Variants in KCNIP3 observed in about 807,000 individuals in gnomAD.
KCNIP3 encodes the protein potassium voltage-gated channel interacting protein 3, also known as calsenilin.
KCNIP3 carries 28 observed loss-of-function variants against 35.0 expected under a neutral mutation model. The ratio of observed to expected loss-of-function variants is 0.80; its 90% CI spans 0.59 to 1.10. The LOEUF (loss-of-function observed/expected upper bound fraction) is 1.10, where lower values mean the gene tolerates loss of function less well. KCNIP3 is among the 50% of genes least tolerant of loss of function. The probability of loss-of-function intolerance (pLI) is 0.00; values close to 1 mark genes in which losing one functional copy is unlikely to be tolerated. For missense variants in KCNIP3, 295 were observed against 338.4 expected (o/e 0.87, Z 1.01); for synonymous variants, 134 against 133.8 (o/e 1.00, Z -0.01).
intron 5 of KCNIP3, among the ~76,000 whole-genome samples, chr2:95,380,682 G>A (rs1573523821): frequency 1.3e-5 from 2 of 152,162 alleles, no homozygotes; most frequent in Admixed American, 6.5e-5. Flanking sequence ...TGCCAAAGGC[G>A]ATGGCCACAC....
intron 2 of KCNIP3, among the ~76,000 whole-genome samples, chr2:95,363,263 C>G (rs1400341351): frequency 6.6e-6 from 1 of 152,158 alleles, no homozygotes; most frequent in East Asian, 1.9e-4. Context: ...ACATTGGGGT[C>G]TCTAATGCAC....
intron 1 of KCNIP3, among the ~76,000 whole-genome samples, chr2:95,307,845 G>A (rs1022507621): frequency 2.0e-5 from 3 of 152,184 alleles, no homozygotes; most frequent in South Asian, 2.1e-4. Flanking sequence ...CACCCCCCAC[G>A]CAGAGCCTGC....
chr2:95,332,373 G>T (rs1393460240), intron 2 of KCNIP3, among the ~76,000 whole-genome samples: 1 of 152,252 alleles, frequency 6.6e-6, no homozygotes, highest in African/African-American at 2.4e-5. Context: ...CAGCACTTTG[G>T]GAGGCTGAGG....
At chr2:95,303,570 C>G (rs931237343) in intron 1 of KCNIP3, 1 of 152,594 alleles carries the variant, frequency 6.6e-6, no homozygotes, top group Non-Finnish European at 1.5e-5. Flanking sequence ...CCAGCCATGA[C>G]CTCCGCCTGG....
chr2:95,342,099 G>A (rs1188308353), intron 2 of KCNIP3, among the ~76,000 whole-genome samples: 3 of 152,130 alleles, frequency 2.0e-5, no homozygotes, highest in African/African-American at 4.8e-5. Context: ...GAGCATGTGC[G>A]AAGACCCTGA....
intron 2 of KCNIP3, among the ~76,000 whole-genome samples, chr2:95,341,870 G>A (rs887640986): frequency 2.0e-5 from 3 of 152,232 alleles, no homozygotes; most frequent in African/African-American, 7.2e-5. Context: ...TTGCAGTCTA[G>A]TGGGAGAGCA....
At chr2:95,346,065 T>C (rs1427528566) in intron 2 of KCNIP3, among the ~76,000 whole-genome samples, 2 of 152,192 alleles carry the variant, frequency 1.3e-5, no homozygotes, top group Non-Finnish European at 2.9e-5. Flanking sequence ...AGCCCACACT[T>C]TCCCTAAAGC....
chr2:95,310,628 C>A, intron 2 of KCNIP3, 108 bp downstream of exon 2: 1 of 1,205,338 alleles, frequency 8.3e-7, no homozygotes, highest in African/African-American at 1.5e-5. Context: ...GCCTGGGCTA[C>A]ATCGCCCCTG....
chr2:95,303,822 T>C (rs1325070115), intron 1 of KCNIP3, among the ~76,000 whole-genome samples: 1 of 152,132 alleles, frequency 6.6e-6, no homozygotes, highest in Non-Finnish European at 1.5e-5. Context: ...TCCTGTCCAA[T>C]AGAGACATGA....
intron 2 of KCNIP3, among the ~76,000 whole-genome samples, chr2:95,344,597 T>C (rs1334649089): frequency 1.3e-5 from 2 of 152,186 alleles, no homozygotes; most frequent in South Asian, 4.1e-4. Flanking sequence ...CTCAGAAGCA[T>C]CCAGGGAAAC....
chr2:95,375,017 C>T (rs548252495), intron 4 of KCNIP3, 100 bp downstream of exon 4: 184 of 1,521,726 alleles, frequency 1.2e-4, no homozygotes, highest in East Asian at 6.1e-4. Flanking sequence ...GCCCCTGTCC[C>T]GTGGGAAACA....
intron 1 of KCNIP3, among the ~76,000 whole-genome samples, chr2:95,308,402 G>C (rs950976092): frequency 6.6e-6 from 1 of 152,206 alleles, no homozygotes; most frequent in African/African-American, 2.4e-5. Flanking sequence ...GCTGGGGAAG[G>C]CCCAAAAGCC....
chr2:95,328,963 G>A (rs577976933), intron 2 of KCNIP3, among the ~76,000 whole-genome samples: 2 of 152,340 alleles, frequency 1.3e-5, no homozygotes, highest in Admixed American at 1.3e-4. Context: ...GGGAGCTGCA[G>A]AGGAGGGGAG....
At chr2:95,365,541 T>G (rs1320881736) in intron 2 of KCNIP3, among the ~76,000 whole-genome samples, 2 of 152,120 alleles carry the variant, frequency 1.3e-5, no homozygotes, top group Non-Finnish European at 2.9e-5. Context: ...GCAGTTTTCT[T>G]GGAGTGGAGT....
At chr2:95,367,901 A>G (rs1453407320) in intron 2 of KCNIP3, among the ~76,000 whole-genome samples, 1 of 151,578 alleles carries the variant, frequency 6.6e-6, no homozygotes, top group African/African-American at 2.4e-5. Flanking sequence ...AGCTGGGATT[A>G]CAGGCGCCTG....
rs534798773 is a variant in KCNIP3, at chr2:95,325,191, C to T, written c.181+14671C>T. On this transcript the variant is annotated intron_variant, in intron 2 of 8. Coordinates refer to ENST00000295225, the MANE Select transcript of KCNIP3 (RefSeq NM_013434.5). ...CCCAACTCGGGTGGCTGAGAGCTGGCCCTCCCAGAGAGGGAAGGGCTTGGG... is the reference window on the plus strand; with the variant it reads ...CCCAACTCGGGTGGCTGAGAGCTGGTCCTCCCAGAGAGGGAAGGGCTTGGG... Among the ~76,000 whole-genome samples, 4 of 152,286 alleles carry T rather than the reference C, an allele frequency of 2.6e-5. No individual in the cohort carries two copies. The East Asian group carries it at 7.8e-4, about 30-fold the overall frequency.
chr2:95,320,141 G>A (rs116669260), intron 2 of KCNIP3, among the ~76,000 whole-genome samples: 2 of 152,152 alleles, frequency 1.3e-5, no homozygotes, highest in African/African-American at 2.4e-5. Flanking sequence ...CCGGAGGCGC[G>A]GCTGAGAATG....
chr2:95,312,259 G>A (rs997898971), intron 2 of KCNIP3: 5 of 152,310 alleles, frequency 3.3e-5, no homozygotes, highest in African/African-American at 1.2e-4. Context: ...GGTGGGGCTG[G>A]TGTGCATCCT....
chr2:95,310,889 C>T, intron 2 of KCNIP3: 1 of 303,506 alleles, frequency 3.3e-6, no homozygotes, highest in South Asian at 3.4e-5. Flanking sequence ...CTAAGCCTTC[C>T]GTGAGAAGCC....
Sources: gnomAD v4.1 joint callset for allele counts (sites outside exome capture counted in the v4.1 genomes callset) on GRCh38, gnomAD v4.1.1 for gene constraint, MANE v1.5 for transcripts, NCBI Gene and HGNC (gene_info 2026-07-23, HGNC 2026-07-21) for gene names.